The following SDCBP variants were observed in gnomAD, a reference collection of about 807,000 sequenced individuals.
SDCBP encodes the protein syndecan binding protein.
A neutral mutation model predicts 30.5 loss-of-function variants in SDCBP; 22 were observed. The ratio of observed to expected loss-of-function variants is 0.72; its 90% CI spans 0.52 to 1.03. The LOEUF is 1.03. Among genes scored for constraint, SDCBP ranks in the 50% least tolerant of loss-of-function variants. SDCBP has a pLI of 0.00. For synonymous variants in SDCBP, 103 were observed against 118.7 expected, an observed-to-expected ratio of 0.87 and a Z score of 0.86; for missense variants, 304 against 369.9, an observed-to-expected ratio of 0.82 and a Z score of 1.46.
chr8:58,575,813 A>C (rs1375688758), intron 4 of SDCBP, 87 bp from the exon 5 acceptor site: 4 of 1,257,300 alleles, frequency 3.2e-6, no homozygotes, highest in Non-Finnish European at 4.5e-6. Flanking sequence ...TTGGAAAGCC[A>C]AAACTGAGTA....
chr8:58,569,542 C>T (rs1050174293), intron 2 of SDCBP, among the ~76,000 whole-genome samples: 2 of 152,154 alleles, frequency 1.3e-5, no homozygotes, highest in Non-Finnish European at 2.9e-5. Context: ...TTCAAAATGT[C>T]GTATAGTTGG....
intron 2 of SDCBP, among the ~76,000 whole-genome samples, chr8:58,570,088 T>C (rs976714594): frequency 6.6e-6 from 1 of 152,198 alleles, no homozygotes; most frequent in Non-Finnish European, 1.5e-5. Context: ...ATACAACTTA[T>C]TACCAAACTT....
At position 58,578,021 on chromosome 8, in the gene SDCBP, C is replaced by A. The variant is rs747703309; in HGVS notation, c.403-12C>A. 10 of 1,604,470 alleles carry A rather than the reference C, an allele frequency of 6.2e-6. No homozygotes were observed. The Admixed American group carries it at 1.7e-4, about 27-fold the overall frequency. On this transcript the variant is annotated splice_polypyrimidine_tract_variant and intron_variant, in intron 5 of 8. Coordinates refer to ENST00000260130, the MANE Select transcript of SDCBP (RefSeq NM_005625.4). ...AGTGGTAAATGACAAAAATTATTTT[C>A]TTATTATCTAGGGTATATTTGTTCA...
intron 8 of SDCBP, among the ~76,000 whole-genome samples, chr8:58,581,365 G>C (rs6997660): frequency 2.8e-3 from 430 of 152,244 alleles, no homozygotes; most frequent in African/African-American, 0.01. Flanking sequence ...TTAAATCACT[G>C]ATGGATCCCT....
intron 4 of SDCBP, among the ~76,000 whole-genome samples, chr8:58,575,020 C>G (rs1262505359): frequency 1.3e-5 from 2 of 152,266 alleles, no homozygotes; most frequent in South Asian, 2.1e-4. Context: ...TTTTCTCATT[C>G]TTTGCCCTGC....
chr8:58,570,104 TA>T (rs201235475), intron 2 of SDCBP, among the ~76,000 whole-genome samples: 2,560 of 152,300 alleles, frequency 0.017, 33 homozygotes, highest in African/African-American at 0.035. Context: ...AACTTGTCTC[TA>T]ATGACATATA....
At chr8:58,556,548 G>A (rs1359765553) in intron 1 of SDCBP, among the ~76,000 whole-genome samples, 2 of 152,132 alleles carry the variant, frequency 1.3e-5, no homozygotes, top group Non-Finnish European at 2.9e-5. Flanking sequence ...GTAGTTGGTG[G>A]TTTGAGAAGG....
intron 1 of SDCBP, among the ~76,000 whole-genome samples, chr8:58,558,725 A>T (rs1483727707): frequency 4.6e-5 from 7 of 152,168 alleles, no homozygotes; most frequent in Non-Finnish European, 1.0e-4. Flanking sequence ...ATAATATCCA[A>T]CTGAAGCCTT....
chr8:58,565,860 T>C (rs118033949), intron 2 of SDCBP, among the ~76,000 whole-genome samples: 284 of 152,240 alleles, frequency 1.9e-3, no homozygotes, highest in Non-Finnish European at 3.5e-3. Context: ...CAGCCGTTGT[T>C]TATTGTTTTA....
chr8:58,574,898 A>G (rs1020154045), intron 4 of SDCBP, among the ~76,000 whole-genome samples: 2 of 152,194 alleles, frequency 1.3e-5, no homozygotes, highest in African/African-American at 4.8e-5. Context: ...TACTCTTAGC[A>G]ACTTTCAAGT....
In SDCBP at chr8:58,559,805, A is replaced by T. The variant is rs556641716; in HGVS notation, c.-15-5214A>T. ...CGGAAACTAGTTAAGAGGCTCCTGCATTCTAGGTGAGCAGTAAACCAGCTG... is the reference window on the plus strand; with the variant it reads ...CGGAAACTAGTTAAGAGGCTCCTGCTTTCTAGGTGAGCAGTAAACCAGCTG... On this transcript the variant is annotated intron_variant, in intron 1 of 8. Coordinates refer to ENST00000260130, the MANE Select transcript of SDCBP (RefSeq NM_005625.4). 2.0e-5 allele frequency among the ~76,000 whole-genome samples: 3 copies of T among 152,376 alleles called. No homozygotes were observed. The East Asian group carries it at 5.8e-4, about 29-fold the overall frequency.
chr8:58,572,104 A>C, intron 3 of SDCBP, 101 bp from the exon 4 acceptor site: 1 of 678,404 alleles, frequency 1.5e-6, no homozygotes, highest in Non-Finnish European at 2.6e-6. Flanking sequence ...AGATTTTATA[A>C]CTTAAGTGTA....
rs1343785376 is a variant in SDCBP at position 58,572,319 on chromosome 8, G to A, written c.240+5G>A. Reference sequence around the variant, plus strand: ...TCTGGTGCACCACTTCAGGGGGTATGTATAGTGTAATTAATTTTGATTTAT... The same window carrying A: ...TCTGGTGCACCACTTCAGGGGGTATATATAGTGTAATTAATTTTGATTTAT... On this transcript the variant is annotated splice_donor_5th_base_variant and intron_variant, in intron 4 of 8. Transcript: ENST00000260130. 6.5e-7 allele frequency: 1 copy of A among 1,546,202 alleles called. No homozygotes were observed.
intron 8 of SDCBP, 79 bp downstream of exon 8, chr8:58,580,687 TGGTTCTTTTACCCAAGGAATG>T: frequency 2.5e-6 from 2 of 789,368 alleles, no homozygotes; most frequent in Non-Finnish European, 4.3e-6. Flanking sequence ...CTCAGCCCTT[TGGTTCTTTTACCCAAGGAATG>T]GATACTGGTG....
chr8:58,579,508 T>C (rs1172088551), intron 6 of SDCBP, 115 bp from the exon 7 acceptor site: 11 of 722,884 alleles, frequency 1.5e-5, no homozygotes, highest in South Asian at 8.7e-5. Context: ...GTTGCTCTTA[T>C]TAGAAACAGT....
At chr8:58,559,639 T>C (rs186259168) in intron 1 of SDCBP, among the ~76,000 whole-genome samples, 59 of 152,204 alleles carry the variant, frequency 3.9e-4, no homozygotes, top group Admixed American at 1.2e-3. Context: ...GTACTGGAGA[T>C]TATAGCCAGA....
chr8:58,570,674 A>G (rs1401387935), intron 2 of SDCBP: 4 of 444,942 alleles, frequency 9.0e-6, no homozygotes, highest in African/African-American at 3.9e-5. Flanking sequence ...TTTTTTTGTG[A>G]TAGCCTTAAA....
In SDCBP at chr8:58,570,993, T is replaced by C. The variant is rs371324240; in HGVS notation, c.130+28T>C. The C allele has an allele frequency of 1.3e-5, 19 of 1,486,866 alleles. No individual in the cohort carries two copies. In the African/African-American group the frequency reaches 2.5e-4, roughly 19 times the overall value. The allele number at this position is 1,486,866 out of a possible 1,614,324, so 92.1% of individuals were successfully genotyped here. ...AGGTTTATACTTTGAGTTCATTCTC[T>C]GTGAACAGAAATATTGTTATCTTCT... On this transcript the variant is annotated intron_variant, in intron 3 of 8. Coordinates refer to ENST00000260130, the MANE Select transcript of SDCBP (RefSeq NM_005625.4).
rs559585741 is a variant in SDCBP at position 58,570,830 on chromosome 8, A to T, written c.52-57A>T. ...GTACTGGATTTAGCTTATAAATTATATAAGAATATAAAGTAAGTATAGCAT... is the reference window on the plus strand; with the variant it reads ...GTACTGGATTTAGCTTATAAATTATTTAAGAATATAAAGTAAGTATAGCAT... On this transcript the variant is annotated intron_variant, in intron 2 of 8. Transcript: ENST00000260130. 5 of 1,160,172 alleles carry T rather than the reference A, an allele frequency of 4.3e-6. No homozygotes were observed. In the South Asian group the frequency reaches 6.5e-5, roughly 15 times the overall value. The allele number at this position is 1,160,172 out of a possible 1,614,324, so 71.9% of individuals were successfully genotyped here.
Sources: allele counts gnomAD v4.1 joint callset (sites outside exome capture counted in the v4.1 genomes callset), GRCh38; gene constraint gnomAD v4.1.1; transcripts MANE v1.5; gene names NCBI Gene and HGNC (gene_info 2026-07-23, HGNC 2026-07-21).